The following FAM184A variants were observed in gnomAD, a reference collection of about 807,000 sequenced individuals.
FAM184A encodes family with sequence similarity 184 member A.
A neutral mutation model predicts 143.8 loss-of-function variants in FAM184A; 99 were observed. That is an observed-to-expected ratio of 0.69 (90% confidence interval 0.58 to 0.81). The LOEUF is 0.81. Among genes scored for constraint, FAM184A ranks in the 40% least tolerant of loss-of-function variants. The probability of loss-of-function intolerance (pLI) is 0.00; values close to 1 mark genes in which losing one functional copy is unlikely to be tolerated. For missense variants in FAM184A, 1,217 were observed against 1,310.5 expected (o/e 0.93, Z 1.10); for synonymous variants, 427 against 446.4 (o/e 0.96, Z 0.55).
intron 1 of FAM184A, among the ~76,000 whole-genome samples, chr6:119,088,281 T>C (rs1474571114): frequency 6.6e-6 from 1 of 152,170 alleles, no homozygotes; most frequent in Non-Finnish European, 1.5e-5. Context: ...AAAAGATTCA[T>C]CGATGAAAAG....
chr6:119,132,208 T>C (rs1194356805), intron 1 of FAM184A, among the ~76,000 whole-genome samples: 1 of 152,232 alleles, frequency 6.6e-6, no homozygotes, highest in Non-Finnish European at 1.5e-5. Flanking sequence ...TCAGAATATT[T>C]ATCATTTCTC....
intron 9 of FAM184A, among the ~76,000 whole-genome samples, chr6:118,995,220 C>A (rs1295741941): frequency 6.6e-6 from 1 of 152,010 alleles, no homozygotes; most frequent in Non-Finnish European, 1.5e-5. Flanking sequence ...AGTTCGAGAC[C>A]AGCCTGGGTA....
intron 1 of FAM184A, among the ~76,000 whole-genome samples, chr6:119,142,581 G>C (rs2114892921): frequency 6.6e-6 from 1 of 152,316 alleles, no homozygotes; most frequent in South Asian, 2.1e-4. Context: ...AAGCAGCACA[G>C]GGAGAAGGAC....
chr6:119,030,433 TAAA>T (rs1785825286), intron 1 of FAM184A, among the ~76,000 whole-genome samples: 1 of 151,958 alleles, frequency 6.6e-6, no homozygotes, highest in African/African-American at 2.4e-5. Context: ...CAAGGTAATA[TAAA>T]AATTCCCTAT....
chr6:119,088,615 C>T (rs1019119377), intron 1 of FAM184A, among the ~76,000 whole-genome samples: 26 of 152,024 alleles, frequency 1.7e-4, no homozygotes, highest in Admixed American at 3.9e-4. Context: ...AAAACTTCTT[C>T]GGGGTTGGCC....
chr6:118,996,516 G>C (rs1259391716), intron 9 of FAM184A, among the ~76,000 whole-genome samples: 4 of 151,938 alleles, frequency 2.6e-5, no homozygotes, highest in African/African-American at 9.7e-5. Context: ...TTTCTCTTTA[G>C]TCTTTTTGTT....
intron 1 of FAM184A, among the ~76,000 whole-genome samples, chr6:119,120,395 A>G (rs1209696496): frequency 6.6e-6 from 1 of 152,242 alleles, no homozygotes; most frequent in Non-Finnish European, 1.5e-5. Flanking sequence ...TACATATTGT[A>G]TAGACACTGT....
intron 9 of FAM184A, among the ~76,000 whole-genome samples, chr6:118,997,174 A>G (rs993035349): frequency 6.6e-6 from 1 of 151,050 alleles, no homozygotes; most frequent in Non-Finnish European, 1.5e-5. Flanking sequence ...GCAGAGGTGG[A>G]CAGATCACTT....
At chr6:119,025,616 G>A (rs776594872) in intron 1 of FAM184A, 4 of 518,848 alleles carry the variant, frequency 7.7e-6, no homozygotes, top group Non-Finnish European at 1.5e-5. Context: ...CAAATTCCCT[G>A]CACAGTAACA....
chr6:118,983,460 T>A (rs4946383), intron 9 of FAM184A, among the ~76,000 whole-genome samples: 87,105 of 151,944 alleles, frequency 0.57, 25,332 homozygotes, highest in East Asian at 0.76. Context: ...CTAGAAAGGC[T>A]TGTGTTGAAT....
At chr6:119,118,841 A>C (rs1425605448) in intron 1 of FAM184A, among the ~76,000 whole-genome samples, 7 of 152,228 alleles carry the variant, frequency 4.6e-5, no homozygotes, top group Non-Finnish European at 1.0e-4. Context: ...AGCAGTGTTC[A>C]GGGAACAAGA....
chr6:119,059,769 T>G (rs1461913611), intron 1 of FAM184A, among the ~76,000 whole-genome samples: 3 of 152,242 alleles, frequency 2.0e-5, no homozygotes, highest in Non-Finnish European at 4.4e-5. Flanking sequence ...CAAAGTATCA[T>G]ACCAGTACTT....
intron 1 of FAM184A, among the ~76,000 whole-genome samples, chr6:119,074,755 G>A (rs1787814543): frequency 6.6e-6 from 1 of 152,222 alleles, no homozygotes; most frequent in South Asian, 2.1e-4. Flanking sequence ...TCTTGAGATA[G>A]TTCAGCCATT....
intron 1 of FAM184A, among the ~76,000 whole-genome samples, chr6:119,141,157 A>T (rs900171368): frequency 1.3e-5 from 2 of 152,260 alleles, no homozygotes; most frequent in African/African-American, 4.8e-5. Context: ...GCTCATTAAA[A>T]CTAACTAGAC....
intron 1 of FAM184A, among the ~76,000 whole-genome samples, chr6:119,115,913 G>T (rs955651554): frequency 1.6e-4 from 25 of 151,920 alleles, no homozygotes; most frequent in Non-Finnish European, 2.8e-4. Flanking sequence ...AGGTTGCAGT[G>T]AGCTGAGATG....
intron 9 of FAM184A, among the ~76,000 whole-genome samples, chr6:118,997,935 C>T (rs908953791): frequency 1.3e-5 from 2 of 152,108 alleles, no homozygotes; most frequent in African/African-American, 2.4e-5. Context: ...TTACAACAAA[C>T]CTTACTGAAA....
intron 14 of FAM184A, among the ~76,000 whole-genome samples, chr6:118,971,959 C>A (rs1783710937): frequency 6.6e-6 from 1 of 152,184 alleles, no homozygotes; most frequent in Non-Finnish European, 1.5e-5. Flanking sequence ...CCACTGCCTT[C>A]CAGGAATCCA....
intron 1 of FAM184A, among the ~76,000 whole-genome samples, chr6:119,139,676 T>C (rs1772149456): frequency 6.6e-6 from 1 of 152,016 alleles, no homozygotes; most frequent in African/African-American, 2.4e-5. Context: ...CTGGGGATAT[T>C]TGGTGACCCA....
intron 9 of FAM184A, among the ~76,000 whole-genome samples, chr6:118,980,655 A>G (rs574433241): frequency 6.6e-6 from 1 of 152,342 alleles, no homozygotes; most frequent in African/African-American, 2.4e-5. Context: ...AAAATTCATA[A>G]TATGAAATAA....
Sources: gnomAD v4.1 joint callset for allele counts (sites outside exome capture counted in the v4.1 genomes callset) on GRCh38, gnomAD v4.1.1 for gene constraint, MANE v1.5 for transcripts, NCBI Gene and HGNC (gene_info 2026-07-23, HGNC 2026-07-21) for gene names.